MAF: variants seen among roughly 807,000 people sequenced by gnomAD.
The protein encoded by MAF is transcription factor Maf.
Under a neutral mutation model 22.0 loss-of-function variants are expected in MAF, and 10 were observed. The ratio of observed to expected loss-of-function variants is 0.45; its 90% CI spans 0.28 to 0.77. MAF has a LOEUF of 0.77. Ranked by LOEUF, MAF falls within the 30% of genes least tolerant of loss-of-function variation. The pLI, the probability that MAF is intolerant of heterozygous loss-of-function variation, is 0.12. For synonymous variants in MAF, 337 were observed against 255.8 expected (o/e 1.32, Z -3.03); for missense variants, 544 against 548.4 (o/e 0.99, Z 0.08).
chr16:79,265,882 C>T, the MAF span, among the ~76,000 whole-genome samples: 2 of 152,316 alleles, frequency 1.3e-5, no homozygotes, highest in African/African-American at 4.8e-5. Flanking sequence ...TGATACGCAG[C>T]AGTCGAGCTG....
the MAF span, among the ~76,000 whole-genome samples, chr16:79,330,061 T>C: frequency 4.6e-5 from 7 of 152,336 alleles, 2 homozygotes; most frequent in African/African-American, 1.7e-4. Context: ...CACCATTTTT[T>C]ACTAATCAAG....
chr16:79,494,540 G>C, the MAF span, among the ~76,000 whole-genome samples: 1 of 152,092 alleles, frequency 6.6e-6, no homozygotes, highest in African/African-American at 2.4e-5. Context: ...TCCCACCCCA[G>C]AGAATCCAGG....
the MAF span, among the ~76,000 whole-genome samples, chr16:79,265,493 A>C: frequency 7.4e-6 from 1 of 135,896 alleles, no homozygotes; most frequent in Non-Finnish European, 1.6e-5. Context: ...ATATGTTCCA[A>C]GACCTCCAGT....
the MAF span, among the ~76,000 whole-genome samples, chr16:79,293,246 G>C: frequency 1.3e-5 from 2 of 152,104 alleles, no homozygotes; most frequent in African/African-American, 2.4e-5. Flanking sequence ...TCCCAGGCCT[G>C]ATGCTGAGCC....
downstream of MAF, among the ~76,000 whole-genome samples, chr16:79,582,826 C>T (rs1001270140): frequency 1.9e-4 from 29 of 152,188 alleles, no homozygotes; most frequent in Admixed American, 3.9e-4. Flanking sequence ...GAGCATTCTC[C>T]TTCCCTTCTT....
downstream of MAF, among the ~76,000 whole-genome samples, chr16:79,592,568 A>T (rs373025861): frequency 1.0e-3 from 156 of 152,276 alleles, 3 homozygotes; most frequent in South Asian, 0.027. Flanking sequence ...GACCTGGACC[A>T]CCTCCTTTAT....
At chr16:79,396,813 T>A in the MAF span, among the ~76,000 whole-genome samples, 1 of 152,200 alleles carries the variant, frequency 6.6e-6, no homozygotes, top group Non-Finnish European at 1.5e-5. Context: ...TTAAAGCTCC[T>A]AGGGTGATGT....
chr16:79,472,545 T>A, the MAF span, among the ~76,000 whole-genome samples: 181 of 152,216 alleles, frequency 1.2e-3, no homozygotes, highest in African/African-American at 4.2e-3. Flanking sequence ...TGATTCCATC[T>A]CTTTAAAATG....
At chr16:79,378,522 T>C in the MAF span, among the ~76,000 whole-genome samples, 4 of 152,208 alleles carry the variant, frequency 2.6e-5, no homozygotes, top group Non-Finnish European at 4.4e-5. Flanking sequence ...TTTTTCTGTA[T>C]GTTATATGTT....
chr16:79,556,537 A>C, the MAF span, among the ~76,000 whole-genome samples: 1 of 152,212 alleles, frequency 6.6e-6, no homozygotes, highest in African/African-American at 2.4e-5. Flanking sequence ...CTGTGTTAAA[A>C]GGATTGGACC....
At chr16:79,361,612 G>T in the MAF span, among the ~76,000 whole-genome samples, 59 of 152,242 alleles carry the variant, frequency 3.9e-4, no homozygotes, top group African/African-American at 1.4e-3. Flanking sequence ...TTTGCACAAT[G>T]GAGCCCATAG....
At chr16:79,377,159 A>G in the MAF span, among the ~76,000 whole-genome samples, 2 of 152,058 alleles carry the variant, frequency 1.3e-5, no homozygotes, top group African/African-American at 2.4e-5. Context: ...AAGTGTTCCT[A>G]TTTCTCCACA....
the MAF span, among the ~76,000 whole-genome samples, chr16:79,428,962 A>C: frequency 6.6e-6 from 1 of 152,168 alleles, no homozygotes; most frequent in Non-Finnish European, 1.5e-5. Flanking sequence ...GGACAGGGCA[A>C]CGGAGGCTCC....
At chr16:79,461,464 G>C in the MAF span, among the ~76,000 whole-genome samples, 1 of 152,174 alleles carries the variant, frequency 6.6e-6, no homozygotes, top group Non-Finnish European at 1.5e-5. Context: ...TCAGCCAGCA[G>C]ATGGGAAAGA....
At chr16:79,373,359 CTTTTTTTTTTTTTTTTTTTTTT>C in the MAF span, among the ~76,000 whole-genome samples, 73 of 33,322 alleles carry the variant, frequency 2.2e-3, no homozygotes, top group Middle Eastern at 0.024. Context: ...GGACTGGTAG[CTTTTTTTTTTTTTTTTTTTTTT>C]TTTTTTTTTT....
the MAF span, among the ~76,000 whole-genome samples, chr16:79,288,249 G>T: frequency 2.6e-5 from 4 of 152,142 alleles, no homozygotes; most frequent in South Asian, 8.3e-4. Flanking sequence ...TTGAGCCTGG[G>T]CTGACCTGCT....
intron 1 of MAF, 68 bp from the exon 2 acceptor site, chr16:79,594,621 G>C (rs544952600): frequency 1.3e-6 from 2 of 1,532,290 alleles, no homozygotes; most frequent in Non-Finnish European, 1.8e-6. Flanking sequence ...AAAGGGGAAA[G>C]CTAGATTTCC....
At chr16:79,228,981 A>G in the MAF span, among the ~76,000 whole-genome samples, 11 of 151,832 alleles carry the variant, frequency 7.2e-5, no homozygotes, top group Non-Finnish European at 1.5e-4. Context: ...TTTCATCGTT[A>G]ACACACATCC....
downstream of MAF, among the ~76,000 whole-genome samples, chr16:79,589,664 C>T (rs562225564): frequency 1.8e-4 from 27 of 152,328 alleles, no homozygotes; most frequent in African/African-American, 6.5e-4. Context: ...CTTGCTCCCT[C>T]CCTCCAGGCG....
Sources: gnomAD v4.1 joint callset for allele counts (sites outside exome capture counted in the v4.1 genomes callset) on GRCh38, gnomAD v4.1.1 for gene constraint, MANE v1.5 for transcripts, NCBI Gene and HGNC (gene_info 2026-07-23, HGNC 2026-07-21) for gene names.